The following UNC13C variants were observed in gnomAD, a reference collection of about 807,000 sequenced individuals.
UNC13C encodes the protein protein unc-13 homolog C.
A neutral mutation model predicts 245.4 loss-of-function variants in UNC13C; 174 were observed. The ratio of observed to expected loss-of-function variants is 0.71; its 90% CI spans 0.63 to 0.80. The LOEUF (loss-of-function observed/expected upper bound fraction) is 0.80. UNC13C is among the 30% of genes least tolerant of loss of function. UNC13C has a pLI of 0.00. For missense variants in UNC13C, 2,829 were observed against 2,602.9 expected (o/e 1.09, Z -1.89); for synonymous variants, 992 against 895.1 (o/e 1.11, Z -1.93).
the UNC13C span, among the ~76,000 whole-genome samples, chr15:53,851,100 C>A: frequency 6.6e-6 from 1 of 151,908 alleles, no homozygotes; most frequent in African/African-American, 2.4e-5. Context: ...GCATATATAT[C>A]ATATTTAAGT....
At chr15:53,869,977 G>A in the UNC13C span, among the ~76,000 whole-genome samples, 1 of 152,170 alleles carries the variant, frequency 6.6e-6, no homozygotes, top group Non-Finnish European at 1.5e-5. Context: ...ACTGCTTTCA[G>A]CCATAACACT....
intron 2 of UNC13C, among the ~76,000 whole-genome samples, chr15:54,127,696 C>CAAG (rs1401477719): frequency 2.1e-5 from 3 of 145,526 alleles, no homozygotes; most frequent in Non-Finnish European, 4.5e-5. Flanking sequence ...CCCAGAACTT[C>CAAG]AAGTGTGTGT....
chr15:53,901,888 C>G, the UNC13C span, among the ~76,000 whole-genome samples: 1 of 152,252 alleles, frequency 6.6e-6, no homozygotes, highest in African/African-American at 2.4e-5. Flanking sequence ...TTATCTCTGA[C>G]TTATCTCAGC....
At chr15:54,012,605 G>T (rs1455936753) in intron 1 of UNC13C, among the ~76,000 whole-genome samples, 43 bp from the exon 2 acceptor site, 2 of 152,180 alleles carry the variant, frequency 1.3e-5, no homozygotes, top group Admixed American at 6.5e-5. Context: ...AAGAAATCTA[G>T]AATTGAATTC....
the UNC13C span, among the ~76,000 whole-genome samples, chr15:53,934,224 G>A: frequency 6.6e-6 from 1 of 152,298 alleles, no homozygotes; most frequent in African/African-American, 2.4e-5. Context: ...CCATGATCCA[G>A]TCACTTCCCA....
intron 19 of UNC13C, among the ~76,000 whole-genome samples, chr15:54,432,979 A>G (rs2040902861): frequency 6.6e-6 from 1 of 152,128 alleles, no homozygotes; most frequent in African/African-American, 2.4e-5. Flanking sequence ...CTACACAAAT[A>G]AACTAGAAAA....
the UNC13C span, among the ~76,000 whole-genome samples, chr15:53,865,745 C>T: frequency 6.6e-6 from 1 of 152,022 alleles, no homozygotes; most frequent in African/African-American, 2.4e-5. Flanking sequence ...AAATCATACA[C>T]TGTATTTTAA....
chr15:54,156,169 A>C (rs979445443), intron 4 of UNC13C, among the ~76,000 whole-genome samples: 9 of 152,204 alleles, frequency 5.9e-5, no homozygotes, highest in African/African-American at 2.2e-4. Context: ...ACTAGAGCAG[A>C]ATCATCTGCC....
intron 4 of UNC13C, among the ~76,000 whole-genome samples, chr15:54,198,124 A>T (rs1341293144): frequency 6.6e-6 from 1 of 152,012 alleles, no homozygotes; most frequent in Non-Finnish European, 1.5e-5. Context: ...ATGTAACTCC[A>T]TTGAACTGGG....
At chr15:54,010,149 T>C (rs1161256106) in intron 1 of UNC13C, among the ~76,000 whole-genome samples, 4 of 152,224 alleles carry the variant, frequency 2.6e-5, no homozygotes, top group Non-Finnish European at 5.9e-5. Flanking sequence ...ATATTGTTTA[T>C]GTTTTAGTTC....
intron 2 of UNC13C, among the ~76,000 whole-genome samples, chr15:54,045,258 A>G (rs1896986072): frequency 6.6e-6 from 1 of 151,974 alleles, no homozygotes; most frequent in African/African-American, 2.4e-5. Flanking sequence ...GTTTAGTTTC[A>G]TTCTTTTTTA....
chr15:54,208,804 A>G (rs1022575612), intron 4 of UNC13C, among the ~76,000 whole-genome samples: 2 of 152,270 alleles, frequency 1.3e-5, no homozygotes, highest in Non-Finnish European at 2.9e-5. Context: ...GCCATAAACT[A>G]TAGTACTTTT....
At chr15:53,860,109 G>T in the UNC13C span, among the ~76,000 whole-genome samples, 59 of 152,234 alleles carry the variant, frequency 3.9e-4, no homozygotes, top group Middle Eastern at 3.4e-3. Context: ...ACCCCTTGTT[G>T]ACAATGACAT....
chr15:54,552,791 T>A (rs1896871520), intron 28 of UNC13C, among the ~76,000 whole-genome samples: 1 of 96,306 alleles, frequency 1.0e-5, no homozygotes, highest in Non-Finnish European at 1.8e-5. Context: ...ATATAATATA[T>A]AATATATTAT....
intron 2 of UNC13C, among the ~76,000 whole-genome samples, chr15:54,117,325 A>G (rs578020896): frequency 2.0e-5 from 3 of 151,876 alleles, no homozygotes; most frequent in Middle Eastern, 6.8e-3. Context: ...TGTTCTTTTG[A>G]GGTCTTACAC....
intron 7 of UNC13C, among the ~76,000 whole-genome samples, chr15:54,239,160 A>G (rs2035785658): frequency 1.3e-5 from 2 of 152,156 alleles, no homozygotes; most frequent in African/African-American, 4.8e-5. Context: ...CAAATATTAT[A>G]TTACCCATTT....
intron 2 of UNC13C, among the ~76,000 whole-genome samples, chr15:54,132,319 C>T (rs569427566): frequency 3.9e-4 from 59 of 152,220 alleles, no homozygotes; most frequent in Middle Eastern, 3.4e-3. Flanking sequence ...ATCTGCCTGC[C>T]TCGGCCTCCC....
At chr15:54,331,293 TTA>T (rs1466970260) in intron 14 of UNC13C, among the ~76,000 whole-genome samples, 1 of 152,058 alleles carries the variant, frequency 6.6e-6, no homozygotes, top group African/African-American at 2.4e-5. Flanking sequence ...TGTGTGACTT[TTA>T]TGTTTTGACT....
At chr15:54,322,473 A>G (rs1290319449) in intron 14 of UNC13C, among the ~76,000 whole-genome samples, 1 of 151,960 alleles carries the variant, frequency 6.6e-6, no homozygotes, top group Non-Finnish European at 1.5e-5. Context: ...CCATCTCTGG[A>G]ACATATTAGG....
Sources: allele counts gnomAD v4.1 joint callset (sites outside exome capture counted in the v4.1 genomes callset), GRCh38; gene constraint gnomAD v4.1.1; transcripts MANE v1.5; gene names NCBI Gene and HGNC (gene_info 2026-07-23, HGNC 2026-07-21).